Variants in C8B observed in about 807,000 individuals in gnomAD.
C8B encodes the protein complement component C8 beta chain.
Under a neutral mutation model 64.6 loss-of-function variants are expected in C8B, and 67 were observed. That is an observed-to-expected ratio of 1.04 (90% CI 0.85 to 1.27). The LOEUF (loss-of-function observed/expected upper bound fraction) is 1.27, where lower values mean the gene tolerates loss of function less well. Ranked by LOEUF, C8B falls within the 50% of genes most tolerant of loss-of-function variation. The pLI is 0.00. For missense variants in C8B, 790 were observed against 725.2 expected, an observed-to-expected ratio of 1.09 and a Z score of -1.03; for synonymous variants, 284 against 257.7, an observed-to-expected ratio of 1.10 and a Z score of -0.98.
At chr1:56,937,541 A>G (rs1227018633) in intron 9 of C8B, among the ~76,000 whole-genome samples, 1 of 152,194 alleles carries the variant, frequency 6.6e-6, no homozygotes, top group Admixed American at 6.5e-5. Flanking sequence ...CTCTACCAGC[A>G]TAGGACCCAG....
intron 9 of C8B, among the ~76,000 whole-genome samples, chr1:56,934,196 G>A (rs957237009): frequency 7.0e-6 from 1 of 142,352 alleles, no homozygotes; most frequent in Non-Finnish European, 1.5e-5. Context: ...TAGATTGTAA[G>A]CTCCCAGAGA....
rs1351661379 is a variant in C8B at position 56,956,828 on chromosome 1, A to G, written c.332T>C (p.Val111Ala). 3 of 1,613,972 alleles carry G rather than the reference A, an allele frequency of 1.9e-6. No homozygotes were observed. Among genetic ancestry groups the G allele is most frequent in the Non-Finnish European group, 2.5e-6 (3 of 1,179,994 alleles). The change falls in exon 3 of 12, where the codon GTT (valine) becomes GCT (alanine). Residue 111 changes from valine to alanine, a missense_variant. By Grantham distance (64) the Val-to-Ala change is moderately conservative. Coordinates refer to ENST00000371237, the MANE Select transcript of C8B (RefSeq NM_000066.4). ...NFSDKEVEDC[V>A]TNRPCGSQVR... Reference sequence around the variant, plus strand: ...TTGACTTCCGCATGGTCTGTTGGTAACACAGTCTTCGACTTCCTTGTCAGA... The same window carrying G: ...TTGACTTCCGCATGGTCTGTTGGTAGCACAGTCTTCGACTTCCTTGTCAGA...
At chr1:56,932,613 G>A (rs960164275) in intron 10 of C8B, among the ~76,000 whole-genome samples, 5 of 152,160 alleles carry the variant, frequency 3.3e-5, no homozygotes, top group African/African-American at 4.8e-5. Context: ...GAACTTCTAG[G>A]CTGTATGCTC....
chr1:56,946,082 G>T, intron 6 of C8B, 21 bp from the exon 7 acceptor site: 1 of 1,613,638 alleles, frequency 6.2e-7, no homozygotes, highest in Non-Finnish European at 8.5e-7. Flanking sequence ...TACCAACATG[G>T]GAAAACCAGA....
chr1:56,932,038 C>A, intron 10 of C8B, among the ~76,000 whole-genome samples, 160 bp from the exon 11 acceptor site: 1 of 152,188 alleles, frequency 6.6e-6, no homozygotes, highest in South Asian at 2.1e-4. Flanking sequence ...AATACCTACT[C>A]CTTTCCTGAG....
intron 1 of C8B, among the ~76,000 whole-genome samples, chr1:56,963,326 G>A (rs936116348): frequency 6.6e-6 from 1 of 152,124 alleles, no homozygotes; most frequent in Non-Finnish European, 1.5e-5. Flanking sequence ...TTGGCTTTCG[G>A]TAGAAATGCC....
In C8B at chr1:56,943,549, G is replaced by A. The variant is rs373233826; in HGVS notation, c.1234+147C>T. The A allele has an allele frequency of 5.4e-6, 5 of 934,260 alleles. No individual in the cohort carries two copies. In the East Asian group the frequency reaches 7.4e-5, roughly 14 times the overall value. The allele number at this position is 934,260 out of a possible 1,614,324, so 57.9% of individuals were successfully genotyped here. A position where few individuals can be genotyped will look rare whatever the true frequency, so the allele number is the denominator to read the frequency against. On this transcript the variant is annotated intron_variant, in intron 8 of 11. Coordinates refer to ENST00000371237, the MANE Select transcript of C8B (RefSeq NM_000066.4). ...CATGTTAGTTAGCGATATGTTAGAT[G>A]GTAAAACTATAAAAAACAGAAGGAC...
chr1:56,953,215 G>A (rs550337085), intron 4 of C8B, among the ~76,000 whole-genome samples: 1 of 152,310 alleles, frequency 6.6e-6, no homozygotes, highest in African/African-American at 2.4e-5. Context: ...TGAAATTTCT[G>A]TTTTTATTAA....
chr1:56,951,278 C>T (rs1570395186), intron 5 of C8B, among the ~76,000 whole-genome samples: 1 of 152,154 alleles, frequency 6.6e-6, no homozygotes. Context: ...TGGAAATTAC[C>T]GTCAAGATCT....
intron 6 of C8B, among the ~76,000 whole-genome samples, chr1:56,947,702 C>T (rs1218828090): frequency 6.6e-6 from 1 of 152,094 alleles, no homozygotes; most frequent in Non-Finnish European, 1.5e-5. Flanking sequence ...GAGGCCAAGG[C>T]AGGCAGATCA....
chr1:56,959,413 G>A (rs1645145435), intron 2 of C8B: 2 of 677,762 alleles, frequency 3.0e-6, no homozygotes, highest in African/African-American at 1.8e-5. Flanking sequence ...TTATCCAACT[G>A]GAGGTAGGGC....
In C8B at chr1:56,954,773, T is replaced by C. The variant is rs902726700; in HGVS notation, c.446A>G (p.Gln149Arg). The C allele has an allele frequency of 2.5e-6, 4 of 1,614,202 alleles. No homozygotes were observed. The Middle Eastern group carries it at 4.9e-4, about 200-fold the overall frequency. ...LCNGDNDCGD[Q>R]SDEANCRRIY... ...CCTTCTACAGTTTGCTTCATCTGAC[T>C]GGTCTCCACAGTCATTGTCCCCATT... The change falls in exon 4 of 12, where the codon CAG becomes CGG. Residue 149 changes from glutamine to arginine, a missense_variant. Transcript: ENST00000371237.
Position 56,940,992 on chromosome 1 carries a change from T to C in C8B, c.1255A>G (p.Met419Val), listed in dbSNP as rs766702799. ...ACCAGGACCACCAAGTCCTCCACCA[T>C]GGTGTCCCTCTTGTTTCTGTCTGGA... Reference protein sequence around the residue: ...EIKDRNKRDTMVEDLVVLVRG... With the variant: ...EIKDRNKRDTVVEDLVVLVRG... The change falls in exon 9 of 12, where the codon ATG becomes GTG. Residue 419 changes from methionine (M) to valine (V), a missense_variant. By Grantham distance (21) the Met-to-Val change is conservative. Coordinates refer to ENST00000371237, the MANE Select transcript of C8B (RefSeq NM_000066.4). The C allele has an allele frequency of 1.9e-6, 3 of 1,614,006 alleles. No individual in the cohort carries two copies. The highest frequency in any genetic ancestry group is 2.2e-5 in the East Asian group (1 of 44,872).
chr1:56,962,483 C>A (rs925203987), intron 1 of C8B, among the ~76,000 whole-genome samples: 2 of 152,150 alleles, frequency 1.3e-5, no homozygotes, highest in Non-Finnish European at 2.9e-5. Flanking sequence ...GAGCCTTTCA[C>A]CCCTATGGAT....
rs919058207 is a variant in C8B at position 56,959,642 on chromosome 1, G to A, written c.249+378C>T. The A allele has an allele frequency of 7.2e-6, 11 of 1,534,812 alleles. No individual in the cohort carries two copies. The African/African-American group carries it at 1.5e-4, about 21-fold the overall frequency. On this transcript the variant is annotated intron_variant, in intron 2 of 11. Coordinates refer to ENST00000371237, the MANE Select transcript of C8B (RefSeq NM_000066.4). ...GGTCACAGGGATCCTCGAAAACCATGATCCTGGACTTGATCCTAAGGGTCA... is the reference window on the plus strand; with the variant it reads ...GGTCACAGGGATCCTCGAAAACCATAATCCTGGACTTGATCCTAAGGGTCA...
chr1:56,939,087 T>C (rs1166027298), intron 9 of C8B, among the ~76,000 whole-genome samples: 1 of 152,208 alleles, frequency 6.6e-6, no homozygotes, highest in African/African-American at 2.4e-5. Context: ...AGTGCCCAGG[T>C]AGGCACATTC....
intron 10 of C8B, among the ~76,000 whole-genome samples, chr1:56,932,223 G>A (rs539395652): frequency 6.6e-6 from 1 of 152,220 alleles, no homozygotes; most frequent in East Asian, 1.9e-4. Context: ...CCAAATAATT[G>A]CCTAGCTTAG....
chr1:56,935,202 A>T (rs1644758860), intron 9 of C8B, among the ~76,000 whole-genome samples: 1 of 152,194 alleles, frequency 6.6e-6, no homozygotes, highest in Non-Finnish European at 1.5e-5. Context: ...TCCCATTTAC[A>T]GTCTCCCTCC....
At chr1:56,952,221 G>A (rs781012145) in intron 4 of C8B, 41 bp from the exon 5 acceptor site, 2 of 1,612,374 alleles carry the variant, frequency 1.2e-6, no homozygotes, top group Non-Finnish European at 8.5e-7. Flanking sequence ...GTTAAAGTTT[G>A]CGGTTGCTTA....
Sources: allele counts gnomAD v4.1 joint callset (sites outside exome capture counted in the v4.1 genomes callset), GRCh38; gene constraint gnomAD v4.1.1; transcripts MANE v1.5; gene names NCBI Gene and HGNC (gene_info 2026-07-23, HGNC 2026-07-21).